NRF1: variants seen among roughly 807,000 people sequenced by gnomAD.
The protein encoded by NRF1 is nuclear respiratory factor 1, also known as alpha palindromic-binding protein.
In NRF1, 5 loss-of-function variants were observed where a neutral mutation model predicts 58.5. The observed-to-expected ratio is 0.09, with a 90% CI of 0.04 to 0.18. The LOEUF (loss-of-function observed/expected upper bound fraction) is 0.18, where lower values mean the gene tolerates loss of function less well. Among genes scored for constraint, NRF1 ranks in the 10% least tolerant of loss-of-function variants. The pLI is 1.00. For missense variants in NRF1, 288 were observed against 657.7 expected (o/e 0.44, Z 6.15); for synonymous variants, 224 against 246.7 (o/e 0.91, Z 0.86).
At chr7:129,740,905 A>G (rs1649794529) in intron 10 of NRF1, among the ~76,000 whole-genome samples, 1 of 152,180 alleles carries the variant, frequency 6.6e-6, no homozygotes, top group African/African-American at 2.4e-5. Flanking sequence ...ATGAGATGAT[A>G]GGCCAGTAGC....
At chr7:129,718,835 T>C (rs149275119) in intron 9 of NRF1, among the ~76,000 whole-genome samples, 135 of 152,324 alleles carry the variant, frequency 8.9e-4, no homozygotes, top group African/African-American at 3.0e-3. Flanking sequence ...GCTCCACCAT[T>C]TGATCCTGAG....
chr7:129,625,363 T>C (rs1800890002), intron 1 of NRF1, among the ~76,000 whole-genome samples: 1 of 152,216 alleles, frequency 6.6e-6, no homozygotes. Flanking sequence ...ACATATCTTT[T>C]TGGGAGCCAC....
intron 1 of NRF1, among the ~76,000 whole-genome samples, chr7:129,643,380 TG>T (rs1562957789): frequency 6.6e-6 from 1 of 152,306 alleles, no homozygotes; most frequent in South Asian, 2.1e-4. Flanking sequence ...TATTTGAGAC[TG>T]GGGGGCGGGA....
chr7:129,656,148 A>C (rs1801649841), intron 1 of NRF1, among the ~76,000 whole-genome samples: 1 of 152,022 alleles, frequency 6.6e-6, no homozygotes, highest in Non-Finnish European at 1.5e-5. Flanking sequence ...TAATATGTAA[A>C]GTTTTATATA....
rs962469098 is a variant in NRF1 at position 129,749,398 on chromosome 7, T to G, written c.1349-5620T>G. On this transcript the variant is annotated intron_variant, in intron 10 of 10. Coordinates refer to ENST00000393232, the MANE Select transcript of NRF1 (RefSeq NM_005011.5). ...GAAGAGAGGAGACTTGGGAAAAGCA[T>G]GTTTCACCATTTTGGCTCAAGAATG... 2.6e-5 allele frequency among the ~76,000 whole-genome samples: 4 copies of G among 151,198 alleles called. No individual in the cohort carries two copies. The East Asian group carries it at 5.8e-4, about 22-fold the overall frequency.
intron 5 of NRF1, among the ~76,000 whole-genome samples, chr7:129,708,077 C>T (rs1168512976): frequency 3.3e-5 from 5 of 152,020 alleles, no homozygotes; most frequent in Admixed American, 1.3e-4. Context: ...CTAAAAGTGG[C>T]CTCTTTTTGG....
At chr7:129,644,978 C>G (rs888608501) in intron 1 of NRF1, among the ~76,000 whole-genome samples, 1 of 151,404 alleles carries the variant, frequency 6.6e-6, no homozygotes, top group Non-Finnish European at 1.5e-5. Flanking sequence ...CGATTAAGAA[C>G]TCTATGATAG....
At chr7:129,721,256 CT>C (rs1230209885) in intron 9 of NRF1, among the ~76,000 whole-genome samples, 1 of 152,050 alleles carries the variant, frequency 6.6e-6, no homozygotes, top group Non-Finnish European at 1.5e-5. Flanking sequence ...GCTTTGTAGA[CT>C]TACTCTACGT....
intron 1 of NRF1, among the ~76,000 whole-genome samples, chr7:129,619,490 G>GTGTATATATATATATATA (rs1422472177): frequency 2.1e-5 from 1 of 48,622 alleles, no homozygotes; most frequent in African/African-American, 1.0e-4. Context: ...GTGTGTGTGT[G>GTGTATATATATATATATA]TATATATATA....
intron 10 of NRF1, among the ~76,000 whole-genome samples, chr7:129,738,637 C>T (rs1803777027): frequency 1.3e-5 from 2 of 152,082 alleles, no homozygotes; most frequent in Non-Finnish European, 2.9e-5. Flanking sequence ...ATTGTCCATT[C>T]TTTCATTTTG....
intron 2 of NRF1, among the ~76,000 whole-genome samples, chr7:129,664,559 A>G (rs1216932688): frequency 6.6e-6 from 1 of 152,216 alleles, no homozygotes; most frequent in African/African-American, 2.4e-5. Context: ...TGTTTGTAAA[A>G]TATATTTTGT....
Position 129,727,278 on chromosome 7 carries a change from GC to G in NRF1, c.1263del (p.Thr422ProfsTer35). ...AAHAVATLAE[A>X]TLQGGGQIVL... ...CCATGCTGTCGCCACCCTGGCTGAG[GC>G]CACCTTACAAGGTGGGGGACAGATC... On this transcript the variant is annotated frameshift_variant, in exon 10 of 11. Transcript: ENST00000393232. LOFTEE classifies it high-confidence loss of function. The G allele has an allele frequency of 6.2e-7, 1 of 1,604,488 alleles. No individual in the cohort carries two copies. The highest frequency in any genetic ancestry group is 8.5e-7 in the Non-Finnish European group (1 of 1,177,100).
intron 1 of NRF1, among the ~76,000 whole-genome samples, chr7:129,631,470 A>AT (rs1278993020): frequency 6.6e-6 from 1 of 152,002 alleles, no homozygotes; most frequent in African/African-American, 2.4e-5. Context: ...GTCTCGCTAT[A>AT]TTGCCCAGGC....
chr7:129,620,411 T>TA (rs1800766294), intron 1 of NRF1, among the ~76,000 whole-genome samples: 1 of 148,052 alleles, frequency 6.8e-6, no homozygotes, highest in African/African-American at 2.5e-5. Context: ...TTTTTTGAGA[T>TA]AGAGTCTCGC....
chr7:129,637,252 GAAAA>G (rs35335362), intron 1 of NRF1, among the ~76,000 whole-genome samples: 1 of 133,274 alleles, frequency 7.5e-6, no homozygotes, highest in Admixed American at 7.7e-5. Flanking sequence ...AGGCTCTGCT[GAAAA>G]AAAAAAAAAA....
intron 1 of NRF1, among the ~76,000 whole-genome samples, chr7:129,650,252 G>C (rs1315701512): frequency 6.7e-6 from 1 of 150,320 alleles, no homozygotes; most frequent in Non-Finnish European, 1.5e-5. Context: ...TGTTTTATTT[G>C]AATGTGGTGT....
chr7:129,624,799 C>T (rs1351714867), intron 1 of NRF1, among the ~76,000 whole-genome samples: 1 of 152,052 alleles, frequency 6.6e-6, no homozygotes, highest in East Asian at 1.9e-4. Context: ...AAATTTTTAC[C>T]TACTGATTTT....
chr7:129,730,105 G>A (rs1193855566), intron 10 of NRF1, among the ~76,000 whole-genome samples: 1 of 152,178 alleles, frequency 6.6e-6, no homozygotes, highest in African/African-American at 2.4e-5. Context: ...GAATACAGGC[G>A]TAAGCCACTG....
At chr7:129,734,151 A>T (rs1335307715) in intron 10 of NRF1, among the ~76,000 whole-genome samples, 1 of 152,196 alleles carries the variant, frequency 6.6e-6, no homozygotes, top group Admixed American at 6.5e-5. Flanking sequence ...TCATTATTTT[A>T]TTCATTTAAC....
Sources: allele counts gnomAD v4.1 joint callset (sites outside exome capture counted in the v4.1 genomes callset), GRCh38; gene constraint gnomAD v4.1.1; transcripts MANE v1.5; gene names NCBI Gene and HGNC (gene_info 2026-07-23, HGNC 2026-07-21).